The following NEDD9 variants were observed in gnomAD, a reference collection of about 807,000 sequenced individuals.
The protein encoded by NEDD9 is neural precursor cell expressed, developmentally down-regulated 9, also known as enhancer of filamentation 1.
In NEDD9, 26 loss-of-function variants were observed where a neutral mutation model predicts 76.6. The ratio of observed to expected loss-of-function variants is 0.34; its 90% confidence interval spans 0.25 to 0.47. NEDD9 has a LOEUF of 0.47. Among genes scored for constraint, NEDD9 ranks in the 20% least tolerant of loss-of-function variants. The pLI, the probability that NEDD9 is intolerant of heterozygous loss-of-function variation, is 1.00. For missense variants in NEDD9, 937 were observed against 1,058.5 expected (o/e 0.89, Z 1.59); for synonymous variants, 392 against 414.2 (o/e 0.95, Z 0.65).
intron 1 of NEDD9, among the ~76,000 whole-genome samples, chr6:11,366,405 G>GAAGAAAGAAAAAAGAAAAAGAAAGGAAGA (rs1762770714): frequency 1.4e-5 from 2 of 147,212 alleles, no homozygotes; most frequent in Admixed American, 1.4e-4. Context: ...AGAAATAAAA[G>GAAGAAAGAAAAAAGAAAAAGAAAGGAAGA]AAGAAAGAAA....
intron 1 of NEDD9, among the ~76,000 whole-genome samples, chr6:11,376,506 A>T (rs957041151): frequency 3.9e-5 from 6 of 152,212 alleles, no homozygotes; most frequent in Admixed American, 1.3e-4. Flanking sequence ...TGTATGCTCT[A>T]GGGATCTGTG....
At chr6:11,372,138 C>T (rs1376080104) in intron 1 of NEDD9, among the ~76,000 whole-genome samples, 1 of 151,906 alleles carries the variant, frequency 6.6e-6, no homozygotes, top group African/African-American at 2.4e-5. Context: ...CATAATCCCC[C>T]CCACCCACAA....
At chr6:11,214,211 T>G (rs1433647340) in intron 1 of NEDD9, 4 of 518,542 alleles carry the variant, frequency 7.7e-6, no homozygotes, top group South Asian at 5.6e-5. Context: ...TATTTGGAGT[T>G]GAAAAGCCAA....
chr6:11,365,994 AAAAG>A (rs1762756992), intron 1 of NEDD9, among the ~76,000 whole-genome samples: 1 of 150,386 alleles, frequency 6.6e-6, no homozygotes, highest in East Asian at 2.0e-4. Flanking sequence ...CACAGTCAAA[AAAAG>A]AAAGAGGCTG....
At chr6:11,214,634 G>A (rs903489259) in intron 1 of NEDD9, among the ~76,000 whole-genome samples, 15 of 152,332 alleles carry the variant, frequency 9.8e-5, no homozygotes, top group African/African-American at 3.1e-4. Flanking sequence ...CAGGCAGTAC[G>A]TGCTGACATT....
At chr6:11,330,942 A>C (rs933690603) in intron 2 of NEDD9, among the ~76,000 whole-genome samples, 7 of 152,158 alleles carry the variant, frequency 4.6e-5, no homozygotes, top group Non-Finnish European at 8.8e-5. Flanking sequence ...TTGTTTATCT[A>C]GTCTATTGTG....
chr6:11,231,522 C>T (rs1303630422), intron 1 of NEDD9, among the ~76,000 whole-genome samples: 3 of 152,220 alleles, frequency 2.0e-5, no homozygotes, highest in African/African-American at 7.2e-5. Context: ...ATCCACAAGC[C>T]TAGCACCCTT....
intron 3 of NEDD9, chr6:11,251,408 C>T (rs1304734978): frequency 3.3e-5 from 5 of 152,192 alleles, no homozygotes; most frequent in Non-Finnish European, 5.9e-5. Flanking sequence ...TAAATCCATA[C>T]TGCAGAGGAA....
At chr6:11,344,537 A>G (rs1259046301) in intron 1 of NEDD9, among the ~76,000 whole-genome samples, 1 of 152,222 alleles carries the variant, frequency 6.6e-6, no homozygotes, top group Non-Finnish European at 1.5e-5. Context: ...ATTCCAATCT[A>G]CAAAGTCATG....
At chr6:11,214,865 A>G (rs547215499) in intron 1 of NEDD9, among the ~76,000 whole-genome samples, 1 of 152,200 alleles carries the variant, frequency 6.6e-6, no homozygotes, top group South Asian at 2.1e-4. Context: ...GGGCTCATTT[A>G]TGGAAGAAAG....
At chr6:11,195,084 A>T (rs1399581465) in intron 2 of NEDD9, among the ~76,000 whole-genome samples, 1 of 152,206 alleles carries the variant, frequency 6.6e-6, no homozygotes, top group Non-Finnish European at 1.5e-5. Context: ...GGCTGCCTAC[A>T]GAACTATGTG....
intron 2 of NEDD9, among the ~76,000 whole-genome samples, chr6:11,311,517 G>C (rs1761365820): frequency 6.6e-6 from 1 of 152,178 alleles, no homozygotes; most frequent in Non-Finnish European, 1.5e-5. Flanking sequence ...AACTGCATTA[G>C]AATTCTGCTT....
At chr6:11,262,528 T>C (rs1408988334) in intron 3 of NEDD9, among the ~76,000 whole-genome samples, 1 of 152,204 alleles carries the variant, frequency 6.6e-6, no homozygotes, top group East Asian at 1.9e-4. Context: ...ATTCTCTGTG[T>C]GAAGCAAGTT....
intron 3 of NEDD9, among the ~76,000 whole-genome samples, chr6:11,293,453 C>A (rs1760821866): frequency 6.6e-6 from 1 of 152,096 alleles, no homozygotes; most frequent in Admixed American, 6.6e-5. Flanking sequence ...TGAGAAATTT[C>A]TTTGTTTTCT....
chr6:11,188,226 G>A lies in NEDD9; in HGVS notation c.1987C>T (p.His663Tyr), dbSNP rs745860289. The change falls in exon 6 of 7, where the codon CAT becomes TAT. Residue 663 changes from histidine (H) to tyrosine (Y), a missense_variant. Coordinates refer to ENST00000379446, the MANE Select transcript of NEDD9 (RefSeq NM_006403.4). The stretch of plus-strand genomic sequence containing the variant: ...GCTCTGATTGAACTTACCTGATGAT[G>A]TTCCAGCTGCATCTTGTTCTGTTTC... ...IMKQNKMQLE[H>Y]HQLSQFQLLE... 13 of 1,613,850 alleles carry A rather than the reference G, an allele frequency of 8.1e-6. No homozygotes were observed. The highest frequency in any genetic ancestry group is 1.1e-5 in the Non-Finnish European group (13 of 1,179,892).
intron 1 of NEDD9, among the ~76,000 whole-genome samples, chr6:11,381,280 T>A (rs1480748431): frequency 6.6e-6 from 1 of 152,196 alleles, no homozygotes; most frequent in East Asian, 1.9e-4. Flanking sequence ...GGACTCCCCA[T>A]GCAGGAGTTT....
chr6:11,324,109 C>G (rs1468237268), intron 2 of NEDD9, among the ~76,000 whole-genome samples: 4 of 152,212 alleles, frequency 2.6e-5, no homozygotes, highest in Non-Finnish European at 4.4e-5. Flanking sequence ...GGGATCAGAG[C>G]CACGTGGCCA....
intron 2 of NEDD9, among the ~76,000 whole-genome samples, chr6:11,201,675 TTGTA>T (rs1370045455): frequency 6.6e-6 from 1 of 151,536 alleles, no homozygotes; most frequent in Non-Finnish European, 1.5e-5. Context: ...ATGTCTATCT[TTGTA>T]TGCATCAAAA....
chr6:11,381,644 C>T (rs1351938844), intron 1 of NEDD9, among the ~76,000 whole-genome samples: 2 of 152,312 alleles, frequency 1.3e-5, no homozygotes, highest in African/African-American at 4.8e-5. Context: ...ATCCTAATGA[C>T]TACAGGGATA....
Sources: allele counts gnomAD v4.1 joint callset (sites outside exome capture counted in the v4.1 genomes callset), GRCh38; gene constraint gnomAD v4.1.1; transcripts MANE v1.5; gene names NCBI Gene and HGNC (gene_info 2026-07-23, HGNC 2026-07-21).